The following FAM98A variants were observed in gnomAD, a reference collection of about 807,000 sequenced individuals.
FAM98A encodes tRNA splicing ligase complex subunit 3A.
FAM98A carries 25 observed loss-of-function variants against 62.9 expected under a neutral mutation model. The observed-to-expected ratio is 0.40, with a 90% CI of 0.29 to 0.56. The LOEUF (loss-of-function observed/expected upper bound fraction) is 0.56. FAM98A is among the 20% of genes least tolerant of loss of function. The pLI is 0.51. For synonymous variants in FAM98A, 252 were observed against 228.6 expected, an observed-to-expected ratio of 1.10 and a Z score of -0.92; for missense variants, 653 against 640.7, an observed-to-expected ratio of 1.02 and a Z score of -0.21.
chr2:33,584,755 A>G lies in FAM98A; in HGVS notation c.*21T>C, dbSNP rs1409214810. The G allele has an allele frequency of 6.4e-7, 1 of 1,554,964 alleles. No individual in the cohort carries two copies. The highest frequency in any genetic ancestry group is 8.7e-7 in the Non-Finnish European group (1 of 1,145,868). On this transcript the variant is annotated 3_prime_UTR_variant, in exon 8 of 8. Coordinates refer to ENST00000238823, the MANE Select transcript of FAM98A (RefSeq NM_015475.5). The stretch of plus-strand genomic sequence containing the variant: ...AAGTTTCTATTACTTGAGCTCTAGC[A>G]AAATGTAAGGTTCGGTAGCCTCAAC...
chr2:33,594,704 T>TACAC (rs146528263), intron 2 of FAM98A, among the ~76,000 whole-genome samples: 1 of 13,550 alleles, frequency 7.4e-5, no homozygotes, highest in Admixed American at 1.1e-3. Context: ...CACATATATA[T>TACAC]ATACACACAC....
At chr2:33,594,979 AT>A (rs1677775077) in intron 2 of FAM98A, among the ~76,000 whole-genome samples, 2 of 152,210 alleles carry the variant, frequency 1.3e-5, no homozygotes, top group African/African-American at 4.8e-5. Context: ...AGATCCATAA[AT>A]TTGATTGTCC....
rs1287176694 is a variant in FAM98A, at chr2:33,598,276, G to C, written c.53+893C>G. Among the ~76,000 whole-genome samples, 4 of 152,178 alleles carry C rather than the reference G, an allele frequency of 2.6e-5. No homozygotes were observed. The East Asian group carries it at 7.7e-4, about 29-fold the overall frequency. ...AAAGAACTTGTTACTTAGAAATACA[G>C]CTAGCTAAATCTGTACTTTGTTTTG... On this transcript the variant is annotated intron_variant, in intron 1 of 7. Coordinates refer to ENST00000238823, the MANE Select transcript of FAM98A (RefSeq NM_015475.5).
In FAM98A at chr2:33,599,218, C is replaced by A; in HGVS notation, c.4G>T (p.Glu2Ter). Reference sequence around the variant, plus strand: ...ATGTCAGTCTCCATGAGGTCACACTCCATGCTACTGTGGTATTCAAATTTC... The same window carrying A: ...ATGTCAGTCTCCATGAGGTCACACTACATGCTACTGTGGTATTCAAATTTC... M[E>*]CDLMETDILE... The change falls in exon 1 of 8, where the codon GAG (glutamate) becomes TAG (stop). Residue 2 changes from glutamate to a stop codon, truncating the protein, a stop_gained. Transcript: ENST00000238823. LOFTEE classifies it high-confidence loss of function. 6.2e-7 allele frequency: 1 copy of A among 1,613,652 alleles called. No individual in the cohort carries two copies. Among genetic ancestry groups the A allele is most frequent in the African/African-American group, 1.3e-5 (1 of 75,058 alleles).
intron 1 of FAM98A, 49 bp downstream of exon 1, chr2:33,599,119 AG>A: frequency 6.7e-7 from 1 of 1,501,394 alleles, no homozygotes. Flanking sequence ...AGGTGTTCCC[AG>A]GGGGCCGGCA....
At chr2:33,588,210 T>G in intron 4 of FAM98A, 125 bp downstream of exon 4, 1 of 758,642 alleles carries the variant, frequency 1.3e-6, no homozygotes, top group Non-Finnish European at 2.2e-6. Context: ...ACTCATTTCG[T>G]AACAATTACT....
intron 4 of FAM98A, among the ~76,000 whole-genome samples, chr2:33,587,807 T>G (rs1295743980): frequency 6.6e-6 from 1 of 151,766 alleles, no homozygotes; most frequent in Non-Finnish European, 1.5e-5. Context: ...TAGAAAATCT[T>G]AACTGATAAT....
At chr2:33,593,824 T>C (rs879821022) in intron 2 of FAM98A, among the ~76,000 whole-genome samples, 2 of 152,216 alleles carry the variant, frequency 1.3e-5, no homozygotes, top group African/African-American at 2.4e-5. Context: ...TTAGAATACC[T>C]TCTAACCTGT....
Position 33,595,754 on chromosome 2 carries a change from C to T in FAM98A, c.54-117G>A. On this transcript the variant is annotated intron_variant, in intron 1 of 7. Coordinates refer to ENST00000238823, the MANE Select transcript of FAM98A (RefSeq NM_015475.5). ...ATAATTTAATAAAGATAAGTTAGTA[C>T]TTATCTTTATTTTAAATGGACAAAT... 6 of 662,484 alleles carry T rather than the reference C, an allele frequency of 9.1e-6. No homozygotes were observed. The South Asian group carries it at 1.9e-4, about 20-fold the overall frequency. The allele number at this position is 662,484 out of a possible 1,614,324, so 41.0% of individuals were successfully genotyped here.
At chr2:33,593,899 A>G (rs1291014772) in intron 2 of FAM98A, among the ~76,000 whole-genome samples, 1 of 152,192 alleles carries the variant, frequency 6.6e-6, no homozygotes, top group African/African-American at 2.4e-5. Flanking sequence ...AAATAGAGGT[A>G]TCATCTAGTA....
rs1160445620 is a variant in FAM98A, at chr2:33,594,535, TAAAAAA to T, written c.202+948_202+953del. Among the ~76,000 whole-genome samples, 46 of 34,276 alleles carry T rather than the reference TAAAAAA, an allele frequency of 1.3e-3. 5 individuals are homozygous for T. Among genetic ancestry groups the T allele is most frequent in the African/African-American group, 7.2e-3 (36 of 4,982 alleles). The allele number at this position is 34,276 out of a possible 152,430, so 22.5% of individuals were successfully genotyped here. A position where few individuals can be genotyped will look rare whatever the true frequency, so the allele number is the denominator to read the frequency against. ...ACACATGTATCCCGGAACATAAAGT[TAAAAAA>T]AAAAAAAAAAAAAAAAAAATTATAT... is the stretch of plus-strand genomic sequence containing the variant. On this transcript the variant is annotated intron_variant, in intron 2 of 7. Transcript: ENST00000238823.
intron 3 of FAM98A, among the ~76,000 whole-genome samples, chr2:33,590,273 A>G (rs748027814): frequency 6.6e-6 from 1 of 152,186 alleles, no homozygotes; most frequent in African/African-American, 2.4e-5. Context: ...TTAATCTGAT[A>G]CATGAGAGCT....
intron 6 of FAM98A, among the ~76,000 whole-genome samples, 193 bp from the exon 7 acceptor site, chr2:33,585,890 T>C (rs2151143143): frequency 6.6e-6 from 1 of 152,322 alleles, no homozygotes; most frequent in East Asian, 1.9e-4. Flanking sequence ...CTGCCAGACT[T>C]GTTGACACAA....
At chr2:33,592,294 ATTG>A (rs1677689101) in intron 2 of FAM98A, 80 bp from the exon 3 acceptor site, 1 of 1,146,206 alleles carries the variant, frequency 8.7e-7, no homozygotes, top group African/African-American at 1.6e-5. Flanking sequence ...TATAATTGAA[ATTG>A]TTAATAGGAT....
chr2:33,598,182 T>C lies in FAM98A; in HGVS notation c.53+987A>G, dbSNP rs558228962. 5.3e-5 allele frequency among the ~76,000 whole-genome samples: 8 copies of C among 152,302 alleles called. 1 individual carries two copies. In the East Asian group the frequency reaches 1.5e-3, roughly 29 times the overall value. On this transcript the variant is annotated intron_variant, in intron 1 of 7. Coordinates refer to ENST00000238823, the MANE Select transcript of FAM98A (RefSeq NM_015475.5). ...GCAGACTTTGGGAATCCTCAAGGTG[T>C]TTTTTCCTAAAGAAAGGTTTCTCTC... is the stretch of plus-strand genomic sequence containing the variant.
Position 33,599,176 on chromosome 2 carries a change from C to A in FAM98A, c.46G>T (p.Asp16Tyr). The change falls in exon 1 of 8, where the codon GAT becomes TAT. Residue 16 changes from aspartate (D) to tyrosine (Y), a missense_variant. Asp to Tyr is a radical substitution (Grantham distance 160). Transcript: ENST00000238823. ...GTGCCCTGACAATCTTACCCTAGAT[C>A]TTCCAACGACTCCAAGATGTCAGTC... The part of the protein sequence containing the change: ...METDILESLE[D>Y]LGYKGPLLED... 1 of 1,613,680 alleles carries A rather than the reference C, an allele frequency of 6.2e-7. No individual in the cohort carries two copies. The highest frequency in any genetic ancestry group is 1.1e-5 in the South Asian group (1 of 91,066).
intron 2 of FAM98A, among the ~76,000 whole-genome samples, chr2:33,593,093 A>G (rs1677711578): frequency 1.3e-5 from 2 of 152,300 alleles, no homozygotes; most frequent in Non-Finnish European, 2.9e-5. Context: ...GTGAACCACA[A>G]AGTGGTTCAG....
intron 2 of FAM98A, among the ~76,000 whole-genome samples, chr2:33,592,624 C>T (rs1037595823): frequency 1.3e-5 from 2 of 152,172 alleles, no homozygotes; most frequent in Admixed American, 6.5e-5. Context: ...CCCACCTTGG[C>T]GTCTTCAAGT....
At chr2:33,592,748 C>T (rs1037089831) in intron 2 of FAM98A, among the ~76,000 whole-genome samples, 2 of 152,182 alleles carry the variant, frequency 1.3e-5, no homozygotes, top group African/African-American at 4.8e-5. Context: ...ATTTCTCCCT[C>T]ATCCAATCTG....
Sources: allele counts gnomAD v4.1 joint callset (sites outside exome capture counted in the v4.1 genomes callset), GRCh38; gene constraint gnomAD v4.1.1; transcripts MANE v1.5; gene names NCBI Gene and HGNC (gene_info 2026-07-23, HGNC 2026-07-21).